Variants in DOCK11 observed in about 807,000 individuals in gnomAD.
DOCK11 encodes the protein dedicator of cytokinesis 11.
Under a neutral mutation model 169.1 loss-of-function variants are expected in DOCK11, and 70 were observed. That is an observed-to-expected ratio of 0.41 (90% confidence interval 0.34 to 0.51). DOCK11 has a LOEUF of 0.51. Ranked by LOEUF, DOCK11 falls within the 20% of genes least tolerant of loss-of-function variation. DOCK11 has a pLI of 0.10. For missense variants in DOCK11, 1,166 were observed against 1,538.8 expected (o/e 0.76, Z 4.05); for synonymous variants, 529 against 541.3 (o/e 0.98, Z 0.32).
At chrX:118,648,052 AATATATAATATAAATTGTAAT>A (rs1030937946) in intron 40 of DOCK11, among the ~76,000 whole-genome samples, 5 of 54,218 alleles carry the variant, frequency 9.2e-5, no homozygotes, top group South Asian at 1.6e-3. Context: ...TATAATATAT[AATATATAATATAAATTGTAAT>A]ATATATAATA....
At chrX:118,549,106 C>CTGTGTGTGTGTGTGTATGTGTGTG (rs755842631) in intron 6 of DOCK11, among the ~76,000 whole-genome samples, 14 of 99,113 alleles carry the variant, frequency 1.4e-4, no homozygotes, top group African/African-American at 5.1e-4. Flanking sequence ...TGCTCATATT[C>CTGTGTGTGTGTGTGTATGTGTGTG]TGTGTGTGTG....
intron 12 of DOCK11, among the ~76,000 whole-genome samples, chrX:118,576,371 C>G (rs192177200): frequency 9.0e-6 from 1 of 111,718 alleles, no homozygotes; most frequent in East Asian, 2.8e-4. Context: ...CTCCAGCCCA[C>G]GTGGGATTTC....
intron 10 of DOCK11, among the ~76,000 whole-genome samples, chrX:118,568,425 T>TA (rs1262713292): frequency 2.6e-5 from 2 of 77,097 alleles, no homozygotes; most frequent in South Asian, 7.5e-4. Flanking sequence ...TATATATATA[T>TA]TTCTCAGTTT....
intron 34 of DOCK11, among the ~76,000 whole-genome samples, chrX:118,629,816 A>ATTTTT (rs67646403): frequency 8.0e-5 from 6 of 75,436 alleles, no homozygotes; most frequent in Admixed American, 1.7e-4. Flanking sequence ...ACCCAGCTAA[A>ATTTTT]TTTTTTTTTT....
rs1000119626 is a variant in DOCK11, at chrX:118,572,394, G to A, written c.1107G>A (p.Val369=). 13 of 1,205,272 alleles carry A rather than the reference G, an allele frequency of 1.1e-5. No individual in the cohort carries two copies. Among genetic ancestry groups the A allele is most frequent in the Non-Finnish European group, 1.3e-5 (12 of 891,280 alleles). The stretch of plus-strand genomic sequence containing the variant: ...AAAAATGCAATAAACGTTTCCTGGT[G>A]AATTGCCATGATTTAACTTTCAATA... ...FEEKCNKRFL[V]NCHDLTFNIL... The change falls in exon 11 of 53, where the codon GTG becomes GTA. Residue 369 remains valine, a synonymous_variant. Coordinates refer to ENST00000276202, the MANE Select transcript of DOCK11 (RefSeq NM_144658.4).
intron 44 of DOCK11, among the ~76,000 whole-genome samples, chrX:118,656,632 G>A (rs1019054893): frequency 1.8e-5 from 2 of 112,167 alleles, no homozygotes; most frequent in African/African-American, 6.5e-5. Context: ...TTTCAAGTAT[G>A]TCTTCAGAGA....
intron 7 of DOCK11, among the ~76,000 whole-genome samples, chrX:118,562,552 C>T (rs1463387906): frequency 8.9e-6 from 1 of 111,777 alleles, no homozygotes; most frequent in Non-Finnish European, 1.9e-5. Flanking sequence ...AGCTTTTGCC[C>T]TGACATTGAA....
intron 42 of DOCK11, among the ~76,000 whole-genome samples, chrX:118,654,248 A>G (rs2016012568): frequency 8.9e-6 from 1 of 112,244 alleles, no homozygotes; most frequent in African/African-American, 3.2e-5. Flanking sequence ...AGTGCTTGGC[A>G]CATAGTAAGC....
At chrX:118,580,487 T>TGG (rs1301322495) in intron 14 of DOCK11, among the ~76,000 whole-genome samples, 24 of 111,429 alleles carry the variant, frequency 2.2e-4, no homozygotes, top group Non-Finnish European at 4.0e-4. Flanking sequence ...TGGCTAATTT[T>TGG]TGTATTTTTA....
At chrX:118,675,320 C>T (rs2016583528) in intron 46 of DOCK11, among the ~76,000 whole-genome samples, 1 of 112,054 alleles carries the variant, frequency 8.9e-6, no homozygotes, top group Admixed American at 9.5e-5. Flanking sequence ...TAGCTCTCTA[C>T]CTGAGGGCTC....
intron 32 of DOCK11, among the ~76,000 whole-genome samples, chrX:118,624,958 C>T (rs1016403121): frequency 1.9e-5 from 2 of 107,979 alleles, no homozygotes; most frequent in Non-Finnish European, 3.8e-5. Context: ...CAGGGTCTCA[C>T]TGTGCAGCCC....
At chrX:118,661,072 G>A (rs922614340) in intron 44 of DOCK11, among the ~76,000 whole-genome samples, 3 of 109,113 alleles carry the variant, frequency 2.7e-5, no homozygotes, top group African/African-American at 1.0e-4. Flanking sequence ...TGCCAGCCGT[G>A]GTGGCTTGCA....
At chrX:118,551,214 G>A (rs2012481047) in intron 6 of DOCK11, among the ~76,000 whole-genome samples, 1 of 112,269 alleles carries the variant, frequency 8.9e-6, no homozygotes, top group South Asian at 3.7e-4. Context: ...CCATGACTCA[G>A]TGGCAAATAA....
chrX:118,615,586 T>C lies in DOCK11; in HGVS notation c.3181-14T>C. 2.6e-6 allele frequency: 3 copies of C among 1,168,162 alleles called. No individual in the cohort carries two copies. Among genetic ancestry groups the C allele is most frequent in the Non-Finnish European group, 3.5e-6 (3 of 859,010 alleles). On this transcript the variant is annotated splice_polypyrimidine_tract_variant and intron_variant, in intron 29 of 52. Coordinates refer to ENST00000276202, the MANE Select transcript of DOCK11 (RefSeq NM_144658.4). ...TACTAAATATGAGCTAATGTATCAT[T>C]TCTTTCCATTTAGGTTCTGGCTGAA...
At chrX:118,650,384 C>G (rs761822776) in intron 41 of DOCK11, among the ~76,000 whole-genome samples, 1 of 111,928 alleles carries the variant, frequency 8.9e-6, no homozygotes, top group Non-Finnish European at 1.9e-5. Flanking sequence ...GACTGCTTGA[C>G]TCAGTAGCCT....
intron 19 of DOCK11, among the ~76,000 whole-genome samples, chrX:118,591,880 G>A (rs1603096738): frequency 1.2e-5 from 1 of 84,462 alleles, no homozygotes; most frequent in Admixed American, 1.5e-4. Context: ...AGAACATGCG[G>A]TGTTTGGTTT....
At chrX:118,543,069 C>A in intron 3 of DOCK11, 54 bp downstream of exon 3, 14 of 892,422 alleles carry the variant, frequency 1.6e-5, no homozygotes, top group Non-Finnish European at 2.2e-5. Context: ...AAAATATATA[C>A]AGTATTTATA....
Position 118,542,992 on chromosome X carries a change from G to A in DOCK11, c.286G>A (p.Ala96Thr). 1 of 1,209,717 alleles carries A rather than the reference G, an allele frequency of 8.3e-7. No homozygotes were observed. The highest frequency in any genetic ancestry group is 1.1e-6 in the Non-Finnish European group (1 of 894,618). Residue 96 changes from alanine (A) to threonine (T), a missense_variant, in exon 3 of 53, where the codon GCC (alanine) becomes ACC (threonine). By Grantham distance (58) the Ala-to-Thr change is moderately conservative. Transcript: ENST00000276202. ...STVPEDAEKR[A>T]QSLFVKECIK... Reference sequence around the variant, plus strand: ...TGTACCAGAAGATGCTGAAAAGAGGGCCCAGAGTTTATTTGTTAAAGAGGT... The same window carrying A: ...TGTACCAGAAGATGCTGAAAAGAGGACCCAGAGTTTATTTGTTAAAGAGGT...
intron 44 of DOCK11, among the ~76,000 whole-genome samples, chrX:118,657,300 C>G (rs1056714528): frequency 9.0e-6 from 1 of 111,458 alleles, no homozygotes. Flanking sequence ...AATCAAAGCA[C>G]TCTTCACTAA....
Sources: allele counts gnomAD v4.1 joint callset (sites outside exome capture counted in the v4.1 genomes callset), GRCh38; gene constraint gnomAD v4.1.1; transcripts MANE v1.5; gene names NCBI Gene and HGNC (gene_info 2026-07-23, HGNC 2026-07-21).